Variants in GJB4 observed in about 807,000 individuals in gnomAD.
GJB4 encodes gap junction beta-4 protein.
For synonymous variants in GJB4, 162 were observed against 158.1 expected (o/e 1.02, Z -0.18); for missense variants, 371 against 363.8 (o/e 1.02, Z -0.16).
chr1:34,762,137 T>A lies in GJB4; in HGVS notation c.*82T>A. 1 of 1,367,766 alleles carries A rather than the reference T, an allele frequency of 7.3e-7. No individual in the cohort carries two copies. Among genetic ancestry groups the A allele is most frequent in the South Asian group, 1.2e-5 (1 of 80,032 alleles). The allele number at this position is 1,367,766 out of a possible 1,614,324, so 84.7% of individuals were successfully genotyped here. Reference sequence around the variant, plus strand: ...AAAAAGGCAGGGGCAGTGGCATCCTTGCCGTAGCAGGGTGGTGAGGAGGGT... The same window carrying A: ...AAAAAGGCAGGGGCAGTGGCATCCTAGCCGTAGCAGGGTGGTGAGGAGGGT... On this transcript the variant is annotated 3_prime_UTR_variant, in exon 2 of 2. Transcript: ENST00000339480.
Position 34,761,229 on chromosome 1 carries a change from C to T in GJB4, c.-26C>T, listed in dbSNP as rs776604466. 41 of 1,613,096 alleles carry T rather than the reference C, an allele frequency of 2.5e-5. No homozygotes were observed. The highest frequency in any genetic ancestry group is 8.9e-5 in the East Asian group (4 of 44,884). On this transcript the variant is annotated 5_prime_UTR_variant, in exon 2 of 2. In the 5' UTR this introduces an upstream ATG that the reference lacks. Transcript: ENST00000339480. The surrounding 1 kb of genome is among the most constrained non-coding windows in gnomAD (Gnocchi z 4.4). ...GTAGCACCCAGGTATAGACCTTCCA[C>T]GTGCAGCACCCAGGACACAGCCAGC...
intron 1 of GJB4, 55 bp downstream of exon 1, chr1:34,759,843 G>A (rs575466307): frequency 6.5e-6 from 1 of 152,776 alleles, no homozygotes; most frequent in African/African-American, 2.4e-5. Flanking sequence ...CAGCTGAGCT[G>A]AGGATATCCA....
chr1:34,761,540 G>A lies in GJB4; in HGVS notation c.286G>A (p.Ala96Thr), dbSNP rs1309946244. 6.2e-7 allele frequency: 1 copy of A among 1,614,164 alleles called. No homozygotes were observed. Among genetic ancestry groups the A allele is most frequent in the Non-Finnish European group, 8.5e-7 (1 of 1,180,036 alleles). ...CPSLLVVMHV[A>T]YREERERKHH... The stretch of plus-strand genomic sequence containing the variant: ...CTCACTGCTCGTGGTCATGCACGTG[G>A]CCTACCGCGAGGAACGCGAGCGCAA... Residue 96 changes from alanine (A) to threonine (T), a missense_variant, in exon 2 of 2, where the codon GCC (alanine) becomes ACC (threonine). Coordinates refer to ENST00000339480, the MANE Select transcript of GJB4 (RefSeq NM_153212.3). The surrounding 1 kb of genome is among the most constrained non-coding windows in gnomAD (Gnocchi z 4.4).
intron 1 of GJB4, among the ~76,000 whole-genome samples, chr1:34,760,650 G>C (rs1998178): frequency 0.043 from 6,606 of 152,296 alleles, 234 homozygotes; most frequent in South Asian, 0.13. Flanking sequence ...TAAGGATGCA[G>C]ATTGTTCTGG....
intron 1 of GJB4, among the ~76,000 whole-genome samples, chr1:34,760,550 A>T (rs573260808): frequency 2.0e-3 from 308 of 152,302 alleles, no homozygotes; most frequent in African/African-American, 7.2e-3. Context: ...GGCAGGGATG[A>T]TATCAAGTCC....
Position 34,762,115 on chromosome 1 carries a change from A to G in GJB4, c.*60A>G. 1 of 1,490,554 alleles carries G rather than the reference A, an allele frequency of 6.7e-7. No homozygotes were observed. 92.3% of individuals were successfully genotyped at this position (1,490,554 alleles called of 1,614,324 possible). A position where few individuals can be genotyped will look rare whatever the true frequency, so the allele number is the denominator to read the frequency against. On this transcript the variant is annotated 3_prime_UTR_variant, in exon 2 of 2. Coordinates refer to ENST00000339480, the MANE Select transcript of GJB4 (RefSeq NM_153212.3). ...CCCCACATGAGGCCACCCAGGAAAA[A>G]AGGCAGGGGCAGTGGCATCCTTGCC...
At position 34,761,706 on chromosome 1, in the gene GJB4, G is replaced by A. The variant is rs370286559; in HGVS notation, c.452G>A (p.Arg151His). 39 of 1,614,006 alleles carry A rather than the reference G, an allele frequency of 2.4e-5. No homozygotes were observed. The highest frequency in any genetic ancestry group is 4.0e-5 in the African/African-American group (3 of 74,914). Residue 151 changes from arginine (R) to histidine (H), a missense_variant, in exon 2 of 2, where the codon CGC (arginine) becomes CAC (histidine). Physicochemically the swap from Arg to His is conservative, Grantham distance 29. Transcript: ENST00000339480. The surrounding 1 kb of genome is among the most constrained non-coding windows in gnomAD (Gnocchi z 4.4). The stretch of plus-strand genomic sequence containing the variant: ...GCTGGCTTCCTCTATATCTTCCACC[G>A]CCTCTACAAGGATTATGACATGCCC... ...VDAGFLYIFH[R>H]LYKDYDMPRV...
In GJB4 at chr1:34,762,157, G is replaced by A. The variant is rs1395386749; in HGVS notation, c.*102G>A. ...ATCCTTGCCGTAGCAGGGTGGTGAG[G>A]AGGGTGGCTGTGGGGGCTCAGGAAG... On this transcript the variant is annotated 3_prime_UTR_variant, in exon 2 of 2. Coordinates refer to ENST00000339480, the MANE Select transcript of GJB4 (RefSeq NM_153212.3). 3.2e-5 allele frequency: 40 copies of A among 1,238,874 alleles called. No homozygotes were observed. Among genetic ancestry groups the A allele is most frequent in the Non-Finnish European group, 4.6e-5 (40 of 864,812 alleles). 76.7% of individuals were successfully genotyped at this position (1,238,874 alleles called of 1,614,324 possible).
In GJB4 at chr1:34,762,303, C is replaced by T; in HGVS notation, c.*248C>T. On this transcript the variant is annotated 3_prime_UTR_variant, in exon 2 of 2. Transcript: ENST00000339480. Reference sequence around the variant, plus strand: ...TATGGCAACAGTATATGTCAAACCTCTTAATAAATATGATTTTCCCAGTAC... The same window carrying T: ...TATGGCAACAGTATATGTCAAACCTTTTAATAAATATGATTTTCCCAGTAC... 1.7e-6 allele frequency: 1 copy of T among 585,020 alleles called. No homozygotes were observed. Among genetic ancestry groups the T allele is most frequent in the Non-Finnish European group, 3.2e-6 (1 of 317,338 alleles). 36.2% of individuals were successfully genotyped at this position (585,020 alleles called of 1,614,324 possible).
rs753166307 is a variant in GJB4, at chr1:34,761,910, C to T, written c.656C>T (p.Pro219Leu). 5 of 1,614,078 alleles carry T rather than the reference C, an allele frequency of 3.1e-6. No individual in the cohort carries two copies. The highest frequency in any genetic ancestry group is 3.3e-5 in the Admixed American group (2 of 60,012). ...AAGAGGTGCATGGAGATCTTCGGCC[C>T]CAGGCACCGGCGGCCTCGGTGCCGG... ...VGKRCMEIFG[P>L]RHRRPRCREC... The change falls in exon 2 of 2, where the codon CCC (proline) becomes CTC (leucine). Residue 219 changes from proline (P) to leucine (L), a missense_variant. Pro to Leu is a moderately conservative substitution (Grantham distance 98). Transcript: ENST00000339480. The surrounding 1 kb of genome is among the most constrained non-coding windows in gnomAD (Gnocchi z 4.4).
At position 34,761,531 on chromosome 1, in the gene GJB4, A is replaced by G; in HGVS notation, c.277A>G (p.Met93Val). 1 of 1,614,164 alleles carries G rather than the reference A, an allele frequency of 6.2e-7. No individual in the cohort carries two copies. Among genetic ancestry groups the G allele is most frequent in the Non-Finnish European group, 8.5e-7 (1 of 1,180,030 alleles). ...LVTCPSLLVV[M>V]HVAYREERER... Reference sequence around the variant, plus strand: ...CACGTGCCCCTCACTGCTCGTGGTCATGCACGTGGCCTACCGCGAGGAACG... The same window carrying G: ...CACGTGCCCCTCACTGCTCGTGGTCGTGCACGTGGCCTACCGCGAGGAACG... Residue 93 changes from methionine (M) to valine (V), a missense_variant, in exon 2 of 2, where the codon ATG becomes GTG. Physicochemically the swap from Met to Val is conservative, Grantham distance 21. Coordinates refer to ENST00000339480, the MANE Select transcript of GJB4 (RefSeq NM_153212.3). This position sits in a 1 kb window ranked among gnomAD's most constrained non-coding sequence, Gnocchi z 4.4.
At position 34,761,922 on chromosome 1, in the gene GJB4, G is replaced by A. The variant is rs778397300; in HGVS notation, c.668G>A (p.Arg223Gln). ...CMEIFGPRHR[R>Q]PRCRECLPDT... ...GAGATCTTCGGCCCCAGGCACCGGCGGCCTCGGTGCCGGGAATGCCTACCC... is the reference window on the plus strand; with the variant it reads ...GAGATCTTCGGCCCCAGGCACCGGCAGCCTCGGTGCCGGGAATGCCTACCC... Residue 223 changes from arginine (R) to glutamine (Q), a missense_variant, in exon 2 of 2, where the codon CGG (arginine) becomes CAG (glutamine). Physicochemically the swap from Arg to Gln is conservative, Grantham distance 43. Coordinates refer to ENST00000339480, the MANE Select transcript of GJB4 (RefSeq NM_153212.3). This position sits in a 1 kb window ranked among gnomAD's most constrained non-coding sequence, Gnocchi z 4.4. The A allele has an allele frequency of 1.3e-5, 21 of 1,614,040 alleles. No individual in the cohort carries two copies. The highest frequency in any genetic ancestry group is 3.3e-5 in the South Asian group (3 of 91,088).
chr1:34,762,087 C>G lies in GJB4; in HGVS notation c.*32C>G, dbSNP rs932062714. 2 of 1,566,654 alleles carry G rather than the reference C, an allele frequency of 1.3e-6. No homozygotes were observed. Among genetic ancestry groups the G allele is most frequent in the Non-Finnish European group, 1.7e-6 (2 of 1,149,278 alleles). On this transcript the variant is annotated 3_prime_UTR_variant, in exon 2 of 2. Coordinates refer to ENST00000339480, the MANE Select transcript of GJB4 (RefSeq NM_153212.3). ...AGATCAGCAGATAAGATCAACAGGT[C>G]CCCCCCACATGAGGCCACCCAGGAA... is the stretch of plus-strand genomic sequence containing the variant.
chr1:34,760,160 C>T (rs372469928), intron 1 of GJB4, among the ~76,000 whole-genome samples: 5 of 152,112 alleles, frequency 3.3e-5, no homozygotes, highest in South Asian at 2.1e-4. Flanking sequence ...TGGGTACAGG[C>T]GATGCCTCTT....
rs1214455661 is a variant in GJB4, at chr1:34,761,049, T to C, written c.-206T>C. ...GGGCCTTCACTTACTCTTTGTGAAA[T>C]GAGGACAGGGGCAATCCCTACCCTA... On this transcript the variant is annotated 5_prime_UTR_variant, in exon 2 of 2. An upstream start codon of the reference 5' UTR is lost. Transcript: ENST00000339480. The surrounding 1 kb of genome is among the most constrained non-coding windows in gnomAD (Gnocchi z 4.4). The C allele has an allele frequency of 4.8e-6, 3 of 622,354 alleles. No individual in the cohort carries two copies. Among genetic ancestry groups the C allele is most frequent in the Non-Finnish European group, 5.8e-6 (2 of 343,854 alleles). 38.6% of individuals were successfully genotyped at this position (622,354 alleles called of 1,614,324 possible). A position where few individuals can be genotyped will look rare whatever the true frequency, so the allele number is the denominator to read the frequency against.
chr1:34,761,774 G>A lies in GJB4; in HGVS notation c.520G>A (p.Asp174Asn). The A allele has an allele frequency of 1.2e-6, 2 of 1,614,090 alleles. No individual in the cohort carries two copies. Among genetic ancestry groups the A allele is most frequent in the East Asian group, 2.2e-5 (1 of 44,878 alleles). Residue 174 changes from aspartate (D) to asparagine (N), a missense_variant, in exon 2 of 2, where the codon GAC becomes AAC. Asp to Asn is a conservative substitution (Grantham distance 23). Coordinates refer to ENST00000339480, the MANE Select transcript of GJB4 (RefSeq NM_153212.3). This position sits in a 1 kb window ranked among gnomAD's most constrained non-coding sequence, Gnocchi z 4.4. ...CGTGGAGCCTTGCCCCCACACTGTG[G>A]ACTGTTACATCTCCCGGCCCACGGA... ...CSVEPCPHTVDCYISRPTEKK... is the reference protein window; with the variant it reads ...CSVEPCPHTVNCYISRPTEKK...
chr1:34,760,866 G>A, intron 1 of GJB4, 67 bp from the exon 2 acceptor site: 1 of 338,068 alleles, frequency 3.0e-6, no homozygotes, highest in Non-Finnish European at 5.7e-6. Flanking sequence ...TGAAACTTGG[G>A]GTAATAGAGG....
Position 34,762,106 on chromosome 1 carries a change from C to G in GJB4, c.*51C>G, listed in dbSNP as rs780011671. 2 of 1,531,580 alleles carry G rather than the reference C, an allele frequency of 1.3e-6. No individual in the cohort carries two copies. Among genetic ancestry groups the G allele is most frequent in the South Asian group, 2.4e-5 (2 of 84,636 alleles). 94.9% of individuals were successfully genotyped at this position (1,531,580 alleles called of 1,614,324 possible). A position where few individuals can be genotyped will look rare whatever the true frequency, so the allele number is the denominator to read the frequency against. Reference sequence around the variant, plus strand: ...ACAGGTCCCCCCCACATGAGGCCACCCAGGAAAAAAGGCAGGGGCAGTGGC... The same window carrying G: ...ACAGGTCCCCCCCACATGAGGCCACGCAGGAAAAAAGGCAGGGGCAGTGGC... On this transcript the variant is annotated 3_prime_UTR_variant, in exon 2 of 2. Coordinates refer to ENST00000339480, the MANE Select transcript of GJB4 (RefSeq NM_153212.3).
Position 34,761,275 on chromosome 1 carries a change from G to C in GJB4, c.21G>C (p.Gln7His), listed in dbSNP as rs200648253. 1.9e-6 allele frequency: 3 copies of C among 1,614,208 alleles called. No individual in the cohort carries two copies. The highest frequency in any genetic ancestry group is 2.5e-6 in the Non-Finnish European group (3 of 1,180,042). Residue 7 changes from glutamine (Q) to histidine (H), a missense_variant, in exon 2 of 2, where the codon CAG becomes CAC. Physicochemically the swap from Gln to His is conservative, Grantham distance 24 (BLOSUM62 0). Transcript: ENST00000339480. This position sits in a 1 kb window ranked among gnomAD's most constrained non-coding sequence, Gnocchi z 4.4. ...CCAGCATGAACTGGGCATTTCTGCA[G>C]GGCCTGCTGAGTGGCGTGAACAAGT... is the stretch of plus-strand genomic sequence containing the variant. MNWAFL[Q>H]GLLSGVNKYS...
Sources: allele counts gnomAD v4.1 joint callset (sites outside exome capture counted in the v4.1 genomes callset), GRCh38; gene constraint gnomAD v4.1.1; non-coding constraint Gnocchi (gnomAD v3.1); transcripts MANE v1.5; gene names NCBI Gene and HGNC (gene_info 2026-07-23, HGNC 2026-07-21).